The following METTL6 variants were observed in gnomAD, a reference collection of about 807,000 sequenced individuals.
METTL6 encodes the protein tRNA N(3)-cytidine methyltransferase METTL6.
In METTL6, 22 loss-of-function variants were observed where a neutral mutation model predicts 26.4. The observed-to-expected ratio is 0.83, with a 90% CI of 0.59 to 1.19. The LOEUF (loss-of-function observed/expected upper bound fraction) is 1.19. METTL6 is among the 50% of genes most tolerant of loss of function. The pLI is 0.00. For synonymous variants in METTL6, 109 were observed against 116.2 expected (o/e 0.94, Z 0.40); for missense variants, 304 against 324.8 (o/e 0.94, Z 0.49).
chr3:15,409,366 A>AGC (rs1699885416), downstream of METTL6, among the ~76,000 whole-genome samples: 1 of 152,206 alleles, frequency 6.6e-6, no homozygotes, highest in Non-Finnish European at 1.5e-5. Flanking sequence ...TACAGGCTCA[A>AGC]CTCGTGAGCA....
intron 6 of METTL6, among the ~76,000 whole-genome samples, chr3:15,389,164 T>TG (rs1457954833): frequency 6.6e-6 from 1 of 152,072 alleles, no homozygotes; most frequent in East Asian, 1.9e-4. Flanking sequence ...CCTTTTTTTT[T>TG]TTTCTAAGTT....
rs1559501312 is a variant in METTL6 at position 15,426,458 on chromosome 3, T to C, written c.54A>G (p.Glu18=). Residue 18 remains glutamate (E), a synonymous_variant, in exon 2 of 6, where the codon GAA becomes GAG. Transcript: ENST00000383790. ...TTTGGTCTCTTTTCAGTTTCTCCTCTTCTTCAGAGGTGAGAATCCTTGCCT... is the reference window on the plus strand; with the variant it reads ...TTTGGTCTCTTTTCAGTTTCTCCTCCTCTTCAGAGGTGAGAATCCTTGCCT... The part of the protein sequence containing the change: ...GLQARILTSE[E]EEKLKRDQTL... The C allele has an allele frequency of 2.5e-6, 4 of 1,614,240 alleles. No individual in the cohort carries two copies. In the South Asian group the frequency reaches 4.4e-5, roughly 18 times the overall value.
At chr3:15,408,966 A>G (rs533544043), downstream of METTL6, among the ~76,000 whole-genome samples, 2 of 152,176 alleles carry the variant, frequency 1.3e-5, no homozygotes, top group South Asian at 4.2e-4. Flanking sequence ...GCTTTGGGAG[A>G]CAGCACTGGA....
rs748198064 is a variant in METTL6 at position 15,414,167 on chromosome 3, G to T, written c.532-5C>A. The stretch of plus-strand genomic sequence containing the variant: ...ACTTTTGCCTGGTTTTAATACCTAT[G>T]AAACAAAAGCAGGCTGAACATGACT... On this transcript the variant is annotated splice_polypyrimidine_tract_variant and splice_region_variant and intron_variant, in intron 4 of 5. Coordinates refer to ENST00000383790, the MANE Select transcript of METTL6 (RefSeq NM_152396.4). The T allele has an allele frequency of 6.2e-7, 1 of 1,603,590 alleles. No homozygotes were observed. Among genetic ancestry groups the T allele is most frequent in the Admixed American group, 1.7e-5 (1 of 57,178 alleles).
At chr3:15,426,924 C>T (rs1490180933) in intron 1 of METTL6, among the ~76,000 whole-genome samples, 1 of 152,178 alleles carries the variant, frequency 6.6e-6, no homozygotes, top group Non-Finnish European at 1.5e-5. Context: ...GACTGGGAAA[C>T]CTTGCGAAGA....
exon 7 of METTL6, chr3:15,382,155 A>T (rs1460968119): frequency 6.6e-6 from 1 of 150,802 alleles, no homozygotes; most frequent in African/African-American, 2.4e-5. Context: ...GCCTCAAATT[A>T]TACTCCCTCT....
rs115649215 is a variant in METTL6, at chr3:15,410,391, C to T, written c.*865G>A. 0.022 allele frequency among the ~76,000 whole-genome samples: 3,350 copies of T among 151,386 alleles called. 108 individuals are homozygous for T. The highest frequency in any genetic ancestry group is 0.076 in the African/African-American group (3,116 of 41,236). On this transcript the variant is annotated 3_prime_UTR_variant, in exon 6 of 6. Coordinates refer to ENST00000383790, the MANE Select transcript of METTL6 (RefSeq NM_152396.4). ...AGGCTGGAGTGCAGTAGCGTGATCT[C>T]GACTTACTGCAACCTCCACCTTCCA... is the stretch of plus-strand genomic sequence containing the variant.
downstream of METTL6, among the ~76,000 whole-genome samples, chr3:15,406,597 TATATATA>T (rs1699794865): frequency 2.4e-4 from 1 of 4,220 alleles, no homozygotes; most frequent in Non-Finnish European, 6.2e-4. Flanking sequence ...TATATATATA[TATATATA>T]TATATATATA....
chr3:15,401,898 G>A (rs187369268), intron 6 of METTL6, among the ~76,000 whole-genome samples: 14 of 152,292 alleles, frequency 9.2e-5, no homozygotes, highest in Admixed American at 8.5e-4. Context: ...ACTCAGTGGG[G>A]CAGCCCATGC....
At chr3:15,396,724 G>A in intron 6 of METTL6, among the ~76,000 whole-genome samples, 1 of 152,296 alleles carries the variant, frequency 6.6e-6, no homozygotes, top group East Asian at 1.9e-4. Context: ...CTCAGCTACA[G>A]GTCTGTTGGA....
intron 6 of METTL6, among the ~76,000 whole-genome samples, chr3:15,403,137 T>C (rs1352586605): frequency 2.0e-5 from 3 of 152,198 alleles, no homozygotes; most frequent in Non-Finnish European, 2.9e-5. Flanking sequence ...TATGCCACCA[T>C]GACTGGCTTT....
intron 6 of METTL6, among the ~76,000 whole-genome samples, chr3:15,390,507 C>T (rs12493889): frequency 0.085 from 12,955 of 152,236 alleles, 760 homozygotes; most frequent in Non-Finnish European, 0.12. Flanking sequence ...ATTCCCTTGA[C>T]CTCCTTGCAG....
At chr3:15,420,960 G>A (rs912504008) in intron 3 of METTL6, among the ~76,000 whole-genome samples, 2 of 152,112 alleles carry the variant, frequency 1.3e-5, no homozygotes, top group African/African-American at 2.4e-5. Flanking sequence ...ATTTATTCAC[G>A]TTTTCAGTTC....
At chr3:15,383,095 A>C (rs1699114073) in exon 7 of METTL6, 1 of 152,166 alleles carries the variant, frequency 6.6e-6, no homozygotes, top group South Asian at 2.1e-4. Flanking sequence ...GTATACTTTG[A>C]AGGAGCATCT....
intron 5 of METTL6, 60 bp downstream of exon 5, chr3:15,413,961 C>G: frequency 6.2e-7 from 1 of 1,609,972 alleles, no homozygotes; most frequent in Non-Finnish European, 8.5e-7. Context: ...AGTGATAATG[C>G]AATCAAATAA....
At chr3:15,395,634 G>A (rs1265609219) in intron 6 of METTL6, among the ~76,000 whole-genome samples, 1 of 151,988 alleles carries the variant, frequency 6.6e-6, no homozygotes, top group Non-Finnish European at 1.5e-5. Flanking sequence ...GCAGTGGCTG[G>A]TACCGGTTGT....
intron 6 of METTL6, among the ~76,000 whole-genome samples, chr3:15,395,905 T>A (rs1699474943): frequency 6.6e-6 from 1 of 152,228 alleles, no homozygotes. Flanking sequence ...TAATCCGATC[T>A]TTCTCTCTGG....
At chr3:15,396,502 T>C (rs1414566605) in intron 6 of METTL6, among the ~76,000 whole-genome samples, 1 of 152,228 alleles carries the variant, frequency 6.6e-6, no homozygotes, top group African/African-American at 2.4e-5. Flanking sequence ...TCAAAGTCAT[T>C]CTCCGTCCAG....
chr3:15,405,472 C>T (rs890028427), downstream of METTL6, among the ~76,000 whole-genome samples: 3 of 152,148 alleles, frequency 2.0e-5, no homozygotes, highest in Admixed American at 6.5e-5. Flanking sequence ...CACTATATAA[C>T]TAAGATGGGA....
Sources: allele counts gnomAD v4.1 joint callset (sites outside exome capture counted in the v4.1 genomes callset), GRCh38; gene constraint gnomAD v4.1.1; transcripts MANE v1.5; gene names NCBI Gene and HGNC (gene_info 2026-07-23, HGNC 2026-07-21).